USP13: variants seen among roughly 807,000 people sequenced by gnomAD.
USP13 encodes ubiquitin carboxyl-terminal hydrolase 13.
Under a neutral mutation model 107.8 loss-of-function variants are expected in USP13, and 68 were observed. The ratio of observed to expected loss-of-function variants is 0.63; its 90% CI spans 0.52 to 0.77. USP13 has a LOEUF of 0.77. Ranked by LOEUF, USP13 falls within the 30% of genes least tolerant of loss-of-function variation. The pLI is 0.00. For synonymous variants in USP13, 377 were observed against 389.5 expected, an observed-to-expected ratio of 0.97 and a Z score of 0.38; for missense variants, 945 against 1,093.3, an observed-to-expected ratio of 0.86 and a Z score of 1.91.
At chr3:179,709,004 T>A in intron 6 of USP13, 47 bp downstream of exon 6, 2 of 1,586,810 alleles carry the variant, frequency 1.3e-6, no homozygotes, top group Non-Finnish European at 1.7e-6. Flanking sequence ...GGCTTCCTCT[T>A]AGATTTAACC....
chr3:179,703,604 A>C (rs905658021), intron 4 of USP13, among the ~76,000 whole-genome samples: 8 of 152,180 alleles, frequency 5.3e-5, no homozygotes, highest in Admixed American at 3.9e-4. Context: ...TAGGGAAAAA[A>C]AGCTCTGTTT....
Position 179,784,215 on chromosome 3 carries a change from A to T in USP13, c.*74A>T. ...TGCCAAAAAAAAAAAGAAGAAGAAG[A>T]AGTTGAAACAACTAGACATGAAGGA... On this transcript the variant is annotated 3_prime_UTR_variant, in exon 21 of 21. Transcript: ENST00000263966. 3 of 1,215,316 alleles carry T rather than the reference A, an allele frequency of 2.5e-6. No individual in the cohort carries two copies. Among genetic ancestry groups the T allele is most frequent in the South Asian group, 1.4e-5 (1 of 73,968 alleles). 75.3% of individuals were successfully genotyped at this position (1,215,316 alleles called of 1,614,324 possible). A position where few individuals can be genotyped will look rare whatever the true frequency, so the allele number is the denominator to read the frequency against.
chr3:179,654,575 G>A (rs1720195339), intron 1 of USP13, among the ~76,000 whole-genome samples: 1 of 152,150 alleles, frequency 6.6e-6, no homozygotes, highest in African/African-American at 2.4e-5. Context: ...ATGTCTTTTT[G>A]AGGACCAGGT....
chr3:179,781,991 G>A (rs563368717), intron 20 of USP13, among the ~76,000 whole-genome samples, 168 bp downstream of exon 20: 6 of 151,850 alleles, frequency 4.0e-5, no homozygotes, highest in African/African-American at 1.2e-4. Flanking sequence ...GAGACTCAGG[G>A]AGGCTGAATA....
chr3:179,734,955 T>C (rs1443018858), intron 10 of USP13, among the ~76,000 whole-genome samples: 1 of 152,206 alleles, frequency 6.6e-6, no homozygotes, highest in African/African-American at 2.4e-5. Context: ...TCTGGCTGTC[T>C]GTGTGGTGCA....
intron 1 of USP13, among the ~76,000 whole-genome samples, chr3:179,657,776 A>G (rs867382331): frequency 1.4e-5 from 2 of 147,432 alleles, no homozygotes; most frequent in African/African-American, 2.7e-5. Flanking sequence ...AAAAAAAAAA[A>G]AAAAAAAAAA....
intron 10 of USP13, among the ~76,000 whole-genome samples, chr3:179,731,730 G>A (rs1297205080): frequency 6.6e-6 from 1 of 152,128 alleles, no homozygotes; most frequent in African/African-American, 2.4e-5. Context: ...CACAGCTTAC[G>A]CATCTGTGTT....
intron 3 of USP13, among the ~76,000 whole-genome samples, chr3:179,696,995 G>T (rs931277093): frequency 3.9e-5 from 6 of 152,110 alleles, no homozygotes; most frequent in African/African-American, 1.4e-4. Flanking sequence ...ATAAAAAACA[G>T]TGTTAAATAT....
At chr3:179,746,183 ATATATATATAAAATTTTATATATAAAATG>A (rs1288619381) in intron 13 of USP13, among the ~76,000 whole-genome samples, 68 of 147,522 alleles carry the variant, frequency 4.6e-4, no homozygotes, top group Non-Finnish European at 6.6e-4. Context: ...CAACCTATAT[ATATATATATAAAATTTTATATATAAAATG>A]TATATATATA....
At chr3:179,756,768 G>GT (rs910220535) in intron 15 of USP13, among the ~76,000 whole-genome samples, 18 of 151,926 alleles carry the variant, frequency 1.2e-4, no homozygotes, top group Admixed American at 5.2e-4. Flanking sequence ...CCAAAAAAAA[G>GT]TTTTTTTTAA....
At chr3:179,695,701 T>C (rs1016243624) in intron 3 of USP13, among the ~76,000 whole-genome samples, 2 of 152,164 alleles carry the variant, frequency 1.3e-5, no homozygotes, top group South Asian at 2.1e-4. Context: ...TAAGTTTTTT[T>C]CCCCTCCCTT....
At chr3:179,744,603 G>A (rs574233744) in intron 12 of USP13, among the ~76,000 whole-genome samples, 1 of 152,316 alleles carries the variant, frequency 6.6e-6, no homozygotes, top group Non-Finnish European at 1.5e-5. Flanking sequence ...CAGCAAGGCA[G>A]TGAAGGACTG....
rs879462783 is a variant in USP13 at position 179,670,660 on chromosome 3, G to A, written c.169-11218G>A. On this transcript the variant is annotated intron_variant, in intron 1 of 20. Transcript: ENST00000263966. Reference sequence around the variant, plus strand: ...TCTTATTAATATCAAATTATTGGCCGGGCGCAGTGGCTCATGCCTGTAATC... The same window carrying A: ...TCTTATTAATATCAAATTATTGGCCAGGCGCAGTGGCTCATGCCTGTAATC... Among the ~76,000 whole-genome samples, 5 of 151,652 alleles carry A rather than the reference G, an allele frequency of 3.3e-5. No homozygotes were observed. The South Asian group carries it at 6.3e-4, about 19-fold the overall frequency.
At chr3:179,683,132 TA>T (rs1275054929) in intron 2 of USP13, among the ~76,000 whole-genome samples, 5 of 151,998 alleles carry the variant, frequency 3.3e-5, no homozygotes, top group Non-Finnish European at 7.4e-5. Context: ...CTTTTTCTTA[TA>T]AGTGTGATGA....
chr3:179,750,003 A>C lies in USP13; in HGVS notation c.1710-2282A>C, dbSNP rs548748361. Among the ~76,000 whole-genome samples, 8 of 152,192 alleles carry C rather than the reference A, an allele frequency of 5.3e-5. No homozygotes were observed. In the South Asian group the frequency reaches 1.7e-3, roughly 32 times the overall value. ...ATCATGGCCGGGTGCCGTGGCTCAC[A>C]TCTGTAATCCCAGCACTTTGGGAGG... On this transcript the variant is annotated intron_variant, in intron 13 of 20. Transcript: ENST00000263966.
chr3:179,765,586 A>G, intron 18 of USP13, 109 bp from the exon 19 acceptor site: 5 of 1,365,240 alleles, frequency 3.7e-6, no homozygotes, highest in Non-Finnish European at 5.0e-6. Context: ...GGACTAATTA[A>G]TTCAGACCTC....
chr3:179,667,663 T>G (rs1236417317), intron 1 of USP13, among the ~76,000 whole-genome samples: 1 of 152,140 alleles, frequency 6.6e-6, no homozygotes, highest in Non-Finnish European at 1.5e-5. Flanking sequence ...TTCTTTTTTT[T>G]GAGACAGAGT....
At chr3:179,730,524 C>T (rs1713764439) in intron 9 of USP13, 92 bp from the exon 10 acceptor site, 4 of 1,055,678 alleles carry the variant, frequency 3.8e-6, no homozygotes, top group East Asian at 2.6e-5. Flanking sequence ...CACCTAACAG[C>T]AGTTGTACTT....
rs978217453 is a variant in USP13, at chr3:179,777,616, C to T, written c.2414-4123C>T. On this transcript the variant is annotated intron_variant, in intron 19 of 20. Coordinates refer to ENST00000263966, the MANE Select transcript of USP13 (RefSeq NM_003940.3). Reference sequence around the variant, plus strand: ...TACAGGTGCACGCCACCATGCCTGGCTAATTTTTTTGTATTTGTAGAGACA... The same window carrying T: ...TACAGGTGCACGCCACCATGCCTGGTTAATTTTTTTGTATTTGTAGAGACA... 2.0e-5 allele frequency among the ~76,000 whole-genome samples: 3 copies of T among 151,964 alleles called. No individual in the cohort carries two copies. The East Asian group carries it at 5.8e-4, about 29-fold the overall frequency.
Sources: gnomAD v4.1 joint callset for allele counts (sites outside exome capture counted in the v4.1 genomes callset) on GRCh38, gnomAD v4.1.1 for gene constraint, MANE v1.5 for transcripts, NCBI Gene and HGNC (gene_info 2026-07-23, HGNC 2026-07-21) for gene names.